The following GLIS3 variants were observed in gnomAD, a reference collection of about 807,000 sequenced individuals.
The protein encoded by GLIS3 is zinc finger protein GLIS3.
GLIS3 carries 53 observed loss-of-function variants against 78.6 expected under a neutral mutation model. The observed-to-expected ratio is 0.67, with a 90% CI of 0.54 to 0.85. GLIS3 has a LOEUF of 0.85. Ranked by LOEUF, GLIS3 falls within the 40% of genes least tolerant of loss-of-function variation. The pLI is 0.00. For synonymous variants in GLIS3, 684 were observed against 509.9 expected, an observed-to-expected ratio of 1.34 and a Z score of -4.60; for missense variants, 1,703 against 1,231.1, an observed-to-expected ratio of 1.38 and a Z score of -5.74.
At chr9:4,321,401 C>G (rs112943358) in intron 2 of GLIS3, among the ~76,000 whole-genome samples, 2,464 of 81,788 alleles carry the variant, frequency 0.03, 215 homozygotes, top group Admixed American at 0.11. Flanking sequence ...CAGCCTGGGC[C>G]ACAGAGCTAG....
chr9:4,292,239 T>G (rs1181992008), intron 1 of GLIS3, among the ~76,000 whole-genome samples: 1 of 152,198 alleles, frequency 6.6e-6, no homozygotes, highest in African/African-American at 2.4e-5. Context: ...GAAAGCATTA[T>G]TTAATGAAAT....
intron 4 of GLIS3, among the ~76,000 whole-genome samples, chr9:4,082,106 T>C (rs867237924): frequency 2.0e-5 from 3 of 152,224 alleles, no homozygotes; most frequent in African/African-American, 7.2e-5. Context: ...TATGGTGTCT[T>C]AGGATATGTT....
chr9:4,075,924 A>G (rs1214873171), intron 4 of GLIS3, among the ~76,000 whole-genome samples: 1 of 152,222 alleles, frequency 6.6e-6, no homozygotes, highest in Non-Finnish European at 1.5e-5. Flanking sequence ...AAAGGAATAG[A>G]AAGCAGAGAA....
At chr9:4,289,064 A>G (rs1288887813) in intron 1 of GLIS3, among the ~76,000 whole-genome samples, 2 of 152,226 alleles carry the variant, frequency 1.3e-5, no homozygotes, top group Non-Finnish European at 2.9e-5. Flanking sequence ...GGTAACAAAA[A>G]AAGGGATAAA....
chr9:4,456,446 T>G, the GLIS3 span, among the ~76,000 whole-genome samples: 1 of 152,346 alleles, frequency 6.6e-6, no homozygotes, highest in Admixed American at 6.5e-5. Flanking sequence ...GTGTTGTGAC[T>G]GATTTGATCA....
chr9:3,851,695 T>TG (rs34613705), intron 9 of GLIS3, among the ~76,000 whole-genome samples: 103,399 of 152,168 alleles, frequency 0.68, 38,201 homozygotes, highest in Non-Finnish European at 0.82. Flanking sequence ...CTTCTTCATT[T>TG]GGAAGACCAA....
chr9:4,084,345 T>A (rs1173677390), intron 4 of GLIS3, among the ~76,000 whole-genome samples: 1 of 151,762 alleles, frequency 6.6e-6, no homozygotes, highest in East Asian at 1.9e-4. Flanking sequence ...ATATCTCTTA[T>A]CTTGCGGTTC....
the GLIS3 span, among the ~76,000 whole-genome samples, chr9:4,480,376 A>T: frequency 6.6e-6 from 1 of 151,364 alleles, no homozygotes; most frequent in Non-Finnish European, 1.5e-5. Flanking sequence ...GTCTAACTTT[A>T]TTTTTTGTAG....
intron 2 of GLIS3, among the ~76,000 whole-genome samples, chr9:4,257,681 C>G (rs1308227328): frequency 1.3e-5 from 2 of 151,932 alleles, no homozygotes; most frequent in Non-Finnish European, 2.9e-5. Context: ...TCAGGCCATT[C>G]CCCTGCCTCA....
the GLIS3 span, among the ~76,000 whole-genome samples, chr9:4,457,799 G>A: frequency 8.8e-5 from 13 of 148,066 alleles, no homozygotes; most frequent in Admixed American, 6.8e-5. Flanking sequence ...GCAGTGAGCT[G>A]AGATTGTGCC....
rs144479716 is a variant in GLIS3, at chr9:3,871,193, C to T, written c.2297+8234G>A. Among the ~76,000 whole-genome samples, 47 of 152,336 alleles carry T rather than the reference C, an allele frequency of 3.1e-4. 1 individual carries two copies. The highest frequency in any genetic ancestry group is 1.1e-3 in the African/African-American group (46 of 41,576). Reference sequence around the variant, plus strand: ...AGAGGTGGGTTCCCATGGTCTTGGGCAGCTCCACTCCTGTGGCTTTGCAGG... The same window carrying T: ...AGAGGTGGGTTCCCATGGTCTTGGGTAGCTCCACTCCTGTGGCTTTGCAGG... On this transcript the variant is annotated intron_variant, in intron 8 of 10. Coordinates refer to ENST00000381971, the MANE Select transcript of GLIS3 (RefSeq NM_001042413.2).
At chr9:3,993,338 G>C (rs928439532) in intron 4 of GLIS3, among the ~76,000 whole-genome samples, 5 of 152,098 alleles carry the variant, frequency 3.3e-5, no homozygotes, top group African/African-American at 1.2e-4. Flanking sequence ...AAATTCAGTG[G>C]AATTCAACTA....
At chr9:3,983,995 G>A (rs1384234381) in intron 4 of GLIS3, among the ~76,000 whole-genome samples, 1 of 152,228 alleles carries the variant, frequency 6.6e-6, no homozygotes, top group East Asian at 1.9e-4. Flanking sequence ...CATGTCAGAG[G>A]TCTTCATGGC....
intron 4 of GLIS3, among the ~76,000 whole-genome samples, chr9:4,112,260 A>G (rs1831276931): frequency 6.6e-6 from 1 of 152,170 alleles, no homozygotes; most frequent in Non-Finnish European, 1.5e-5. Flanking sequence ...AATCATTCTA[A>G]TATCTTATCT....
At chr9:4,404,433 C>T in the GLIS3 span, among the ~76,000 whole-genome samples, 3 of 152,134 alleles carry the variant, frequency 2.0e-5, no homozygotes, top group East Asian at 5.8e-4. Context: ...CTTCTCAGTA[C>T]ATGGATTTTT....
intron 4 of GLIS3, among the ~76,000 whole-genome samples, chr9:4,022,580 G>A (rs930733937): frequency 6.6e-6 from 1 of 152,040 alleles, no homozygotes; most frequent in Admixed American, 6.6e-5. Flanking sequence ...CTAGTAATTT[G>A]CCCCAGAGAA....
At chr9:4,089,169 T>C (rs934376218) in intron 4 of GLIS3, among the ~76,000 whole-genome samples, 9 of 152,216 alleles carry the variant, frequency 5.9e-5, no homozygotes, top group African/African-American at 2.2e-4. Flanking sequence ...CATGTCTGTC[T>C]CAACTGCAGT....
At chr9:4,202,551 T>C (rs777856375) in intron 2 of GLIS3, among the ~76,000 whole-genome samples, 7 of 152,206 alleles carry the variant, frequency 4.6e-5, no homozygotes, top group Admixed American at 2.6e-4. Context: ...AGGCATCACA[T>C]TGCCCAACTT....
intron 7 of GLIS3, among the ~76,000 whole-genome samples, chr9:3,889,676 C>A (rs1822295677): frequency 6.6e-6 from 1 of 152,180 alleles, no homozygotes. Context: ...GCTTGGCAAA[C>A]CTTTGTTGCA....
Sources: gnomAD v4.1 joint callset for allele counts (sites outside exome capture counted in the v4.1 genomes callset) on GRCh38, gnomAD v4.1.1 for gene constraint, MANE v1.5 for transcripts, NCBI Gene and HGNC (gene_info 2026-07-23, HGNC 2026-07-21) for gene names.